The following NTN4 variants were observed in gnomAD, a reference collection of about 807,000 sequenced individuals.
NTN4 encodes the protein netrin 4.
NTN4 carries 32 observed loss-of-function variants against 73.6 expected under a neutral mutation model. The ratio of observed to expected loss-of-function variants is 0.44; its 90% CI spans 0.33 to 0.58. The LOEUF is 0.58. NTN4 is among the 20% of genes least tolerant of loss of function. The pLI, the probability that NTN4 is intolerant of heterozygous loss-of-function variation, is 0.04. For missense variants in NTN4, 654 were observed against 798.3 expected (o/e 0.82, Z 2.18); for synonymous variants, 258 against 287.5 (o/e 0.90, Z 1.04).
intron 7 of NTN4, among the ~76,000 whole-genome samples, chr12:95,679,055 G>T (rs1342669453): frequency 1.3e-5 from 2 of 151,946 alleles, no homozygotes; most frequent in Non-Finnish European, 2.9e-5. Context: ...ATATAGAAAG[G>T]TATCTTCATG....
At chr12:95,772,109 G>T (rs1395897892) in intron 2 of NTN4, among the ~76,000 whole-genome samples, 5 of 152,098 alleles carry the variant, frequency 3.3e-5, no homozygotes. Context: ...TGCGATCATG[G>T]TTCACTGCAG....
At chr12:95,737,484 G>C (rs1412740478) in intron 3 of NTN4, among the ~76,000 whole-genome samples, 1 of 152,148 alleles carries the variant, frequency 6.6e-6, no homozygotes, top group Non-Finnish European at 1.5e-5. Context: ...ATAAAATCGA[G>C]GTTCTTATTT....
intron 5 of NTN4, among the ~76,000 whole-genome samples, chr12:95,696,519 T>C (rs2078443529): frequency 6.6e-6 from 1 of 152,224 alleles, no homozygotes; most frequent in South Asian, 2.1e-4. Flanking sequence ...CACATCGTTT[T>C]ATCGCTGTAT....
At chr12:95,672,861 T>C (rs1320494511) in intron 7 of NTN4, 22 of 1,378,196 alleles carry the variant, frequency 1.6e-5, no homozygotes, top group Non-Finnish European at 2.1e-5. Context: ...TTGCAGCCCA[T>C]GGCAACAGCC....
At chr12:95,722,700 T>A (rs2078657693) in intron 3 of NTN4, among the ~76,000 whole-genome samples, 1 of 151,432 alleles carries the variant, frequency 6.6e-6, no homozygotes. Flanking sequence ...TTAGGCCAGG[T>A]GCTGTGGCTC....
Position 95,790,290 on chromosome 12 carries a change from A to C in NTN4, c.20T>G (p.Leu7Arg), listed in dbSNP as rs558117937. 3.3e-3 allele frequency: 5,128 copies of C among 1,533,364 alleles called. 9 individuals carry two copies. Among genetic ancestry groups the C allele is most frequent in the Non-Finnish European group, 4.0e-3 (4,596 of 1,140,448 alleles). 95.0% of individuals were successfully genotyped at this position (1,533,364 alleles called of 1,614,324 possible). A position where few individuals can be genotyped will look rare whatever the true frequency, so the allele number is the denominator to read the frequency against. The change falls in exon 1 of 10, where the codon CTG becomes CGG. Residue 7 changes from leucine to arginine, a missense_variant. Transcript: ENST00000343702. The surrounding 1 kb of genome is among the most constrained non-coding windows in gnomAD (Gnocchi z 6.5). MGSCARLLLLWGCTVVA... is the reference protein window; with the variant it reads MGSCARRLLLWGCTVVA... ...CACCGTGCAGCCCCAGAGCAGCAGC[A>C]GCCGCGCGCAGCTCCCCATGGCCGG... is the stretch of plus-strand genomic sequence containing the variant.
At chr12:95,785,511 CTA>C (rs2121304942) in intron 2 of NTN4, among the ~76,000 whole-genome samples, 1 of 152,328 alleles carries the variant, frequency 6.6e-6, no homozygotes, top group South Asian at 2.1e-4. Flanking sequence ...GCACCATGTC[CTA>C]CTTGGTTCTG....
chr12:95,787,418 G>C lies in NTN4; in HGVS notation c.106C>G (p.Pro36Ala). 3 of 1,614,176 alleles carry C rather than the reference G, an allele frequency of 1.9e-6. No homozygotes were observed. Among genetic ancestry groups the C allele is most frequent in the Non-Finnish European group, 2.5e-6 (3 of 1,180,036 alleles). ...VSSRCEKACNPRMGNLALGRK... is the reference protein window; with the variant it reads ...VSSRCEKACNARMGNLALGRK... Reference sequence around the variant, plus strand: ...CCCAAAGCCAAATTTCCCATCCGAGGGTTGCAGGCTTTTTCACAGCGGGAA... The same window carrying C: ...CCCAAAGCCAAATTTCCCATCCGAGCGTTGCAGGCTTTTTCACAGCGGGAA... Residue 36 changes from proline to alanine, a missense_variant, in exon 2 of 10, where the codon CCT becomes GCT. Coordinates refer to ENST00000343702, the MANE Select transcript of NTN4 (RefSeq NM_021229.4).
Position 95,769,662 on chromosome 12 carries a change from G to T in NTN4, c.585+17277C>A, listed in dbSNP as rs370046901. Among the ~76,000 whole-genome samples the T allele has an allele frequency of 6.8e-4, 104 of 152,046 alleles. 1 individual carries two copies. The South Asian group carries it at 0.015, about 22-fold the overall frequency. ...TATTTGAACACAGTTTGAACATTCGGCAGTGCATGAATGGTTGAAGTATGG... is the reference window on the plus strand; with the variant it reads ...TATTTGAACACAGTTTGAACATTCGTCAGTGCATGAATGGTTGAAGTATGG... On this transcript the variant is annotated intron_variant, in intron 2 of 9. Coordinates refer to ENST00000343702, the MANE Select transcript of NTN4 (RefSeq NM_021229.4).
chr12:95,737,776 C>T, intron 3 of NTN4, 90 bp downstream of exon 3: 1 of 1,287,054 alleles, frequency 7.8e-7, no homozygotes, highest in South Asian at 1.5e-5. Context: ...AAAAAATCAG[C>T]AGCACTATGT....
chr12:95,716,628 C>T (rs994726488), intron 3 of NTN4, among the ~76,000 whole-genome samples: 1 of 151,816 alleles, frequency 6.6e-6, no homozygotes, highest in African/African-American at 2.4e-5. Context: ...TTTATGGTTT[C>T]TTCTCCAGCT....
chr12:95,709,697 CTATTTTTG>C (rs1476464467), intron 5 of NTN4, among the ~76,000 whole-genome samples: 2 of 152,078 alleles, frequency 1.3e-5, no homozygotes, highest in Admixed American at 1.3e-4. Flanking sequence ...CCATACCCAG[CTATTTTTG>C]TAGTTTTTGT....
chr12:95,788,903 T>G (rs2079187940), intron 1 of NTN4, among the ~76,000 whole-genome samples: 1 of 152,238 alleles, frequency 6.6e-6, no homozygotes, highest in Non-Finnish European at 1.5e-5. Flanking sequence ...ATTTTTGACT[T>G]GAAACACTTG....
chr12:95,746,158 G>T (rs546016709), intron 2 of NTN4, among the ~76,000 whole-genome samples: 96 of 152,210 alleles, frequency 6.3e-4, no homozygotes, highest in African/African-American at 2.3e-3. Flanking sequence ...CTTAACTTGT[G>T]CAAGCTGACT....
intron 9 of NTN4, among the ~76,000 whole-genome samples, chr12:95,663,112 C>G (rs897871880): frequency 7.0e-6 from 1 of 143,816 alleles, no homozygotes; most frequent in East Asian, 2.1e-4. Flanking sequence ...AGCAGAGAAC[C>G]CTGTCTTTAA....
intron 3 of NTN4, 33 bp from the exon 4 acceptor site, chr12:95,713,371 C>T (rs750822750): frequency 6.5e-6 from 10 of 1,531,138 alleles, no homozygotes; most frequent in Admixed American, 1.8e-5. Context: ...ACTATGAGCA[C>T]ACATGTCGCC....
intron 3 of NTN4, among the ~76,000 whole-genome samples, chr12:95,726,387 T>C (rs1040989269): frequency 6.6e-6 from 1 of 152,198 alleles, no homozygotes; most frequent in African/African-American, 2.4e-5. Context: ...GCCTTTTGTG[T>C]CTAGGTTTCA....
intron 2 of NTN4, among the ~76,000 whole-genome samples, chr12:95,750,052 G>A (rs1167497854): frequency 1.3e-5 from 2 of 152,054 alleles, no homozygotes; most frequent in Non-Finnish European, 2.9e-5. Context: ...GGCAAGTCCT[G>A]CTTTTCTAGA....
intron 8 of NTN4, among the ~76,000 whole-genome samples, chr12:95,666,386 C>T (rs1274193547): frequency 6.6e-6 from 1 of 151,802 alleles, no homozygotes; most frequent in Non-Finnish European, 1.5e-5. Flanking sequence ...ATCCATGTAA[C>T]CAAAAACCAC....
Sources: gnomAD v4.1 joint callset for allele counts (sites outside exome capture counted in the v4.1 genomes callset) on GRCh38, gnomAD v4.1.1 for gene constraint, Gnocchi (gnomAD v3.1) non-coding constraint, MANE v1.5 for transcripts, NCBI Gene and HGNC (gene_info 2026-07-23, HGNC 2026-07-21) for gene names.